Variants in GABRG3 observed in about 807,000 individuals in gnomAD.
The protein encoded by GABRG3 is gamma-aminobutyric acid receptor subunit gamma-3.
Under a neutral mutation model 48.8 loss-of-function variants are expected in GABRG3, and 25 were observed. The observed-to-expected ratio is 0.51, with a 90% CI of 0.37 to 0.72. The LOEUF (loss-of-function observed/expected upper bound fraction) is 0.72, where lower values mean the gene tolerates loss of function less well. Among genes scored for constraint, GABRG3 ranks in the 30% least tolerant of loss-of-function variants. The probability of loss-of-function intolerance (pLI) is 0.00; values close to 1 mark genes in which losing one functional copy is unlikely to be tolerated. For synonymous variants in GABRG3, 227 were observed against 217.6 expected, an observed-to-expected ratio of 1.04 and a Z score of -0.38; for missense variants, 394 against 577.9, an observed-to-expected ratio of 0.68 and a Z score of 3.26.
intron 3 of GABRG3, among the ~76,000 whole-genome samples, chr15:27,183,106 A>T (rs997589398): frequency 6.6e-6 from 1 of 152,034 alleles, no homozygotes; most frequent in African/African-American, 2.4e-5. Context: ...TATTTTACAG[A>T]TGACTTTTTT....
intron 5 of GABRG3, among the ~76,000 whole-genome samples, chr15:27,380,072 C>T (rs993913262): frequency 1.3e-5 from 2 of 151,398 alleles, no homozygotes; most frequent in Non-Finnish European, 2.9e-5. Flanking sequence ...GTTCTGTCCT[C>T]TTAACCCTTT....
chr15:27,351,193 ATGTT>A lies in GABRG3; in HGVS notation c.574+22309_574+22312del, dbSNP rs543843158. ...TGGTGTATTTGTGTGTATGTATGGTATGTTTGTGTGTATGGTGTTTGTGCGTGTA... is the reference window on the plus strand; with the variant it reads ...TGGTGTATTTGTGTGTATGTATGGTATGTGTGTATGGTGTTTGTGCGTGTA... On this transcript the variant is annotated intron_variant, in intron 5 of 9. Transcript: ENST00000615808. Among the ~76,000 whole-genome samples, 228 of 113,834 alleles carry A rather than the reference ATGTT, an allele frequency of 2.0e-3. 1 individual carries two copies. Among genetic ancestry groups the A allele is most frequent in the East Asian group, 5.5e-3 (20 of 3,606 alleles). The allele number at this position is 113,834 out of a possible 152,430, so 74.7% of individuals were successfully genotyped here.
chr15:27,388,215 AG>A (rs1361834430), intron 5 of GABRG3, among the ~76,000 whole-genome samples: 4 of 62,752 alleles, frequency 6.4e-5, no homozygotes, highest in African/African-American at 2.3e-4. Context: ...GAAGGAAAGG[AG>A]GAAGGAAGGA....
chr15:27,182,188 G>A (rs996605287), intron 3 of GABRG3, among the ~76,000 whole-genome samples: 3 of 152,170 alleles, frequency 2.0e-5, no homozygotes, highest in Admixed American at 6.5e-5. Context: ...GGAAGTCACC[G>A]TCTACAGTTT....
intron 6 of GABRG3, among the ~76,000 whole-genome samples, chr15:27,511,577 A>G (rs1157911212): frequency 2.6e-5 from 4 of 152,242 alleles, no homozygotes; most frequent in Non-Finnish European, 4.4e-5. Context: ...AGGAGGTATG[A>G]TGATGAGAAG....
chr15:27,070,535 A>G (rs941970751), intron 3 of GABRG3, among the ~76,000 whole-genome samples: 4 of 152,224 alleles, frequency 2.6e-5, no homozygotes, highest in Non-Finnish European at 5.9e-5. Flanking sequence ...TAAGAATGGA[A>G]TTATGCTTGT....
chr15:27,492,275 A>G (rs1366445979), intron 6 of GABRG3, among the ~76,000 whole-genome samples: 1 of 152,250 alleles, frequency 6.6e-6, no homozygotes, highest in Non-Finnish European at 1.5e-5. Flanking sequence ...GAGAGGGCAC[A>G]TTCCAACTGC....
chr15:27,482,015 A>G (rs1409095971), intron 6 of GABRG3, among the ~76,000 whole-genome samples: 3 of 152,150 alleles, frequency 2.0e-5, no homozygotes, highest in Admixed American at 1.3e-4. Flanking sequence ...GGTGTTCTCA[A>G]AACAAAAGGA....
At chr15:27,327,805 G>A (rs1468265111) in intron 4 of GABRG3, among the ~76,000 whole-genome samples, 1 of 152,010 alleles carries the variant, frequency 6.6e-6, no homozygotes, top group Non-Finnish European at 1.5e-5. Context: ...CGGGGCACAG[G>A]GCTCCTTCTT....
chr15:27,335,908 C>T (rs981543272), intron 5 of GABRG3, among the ~76,000 whole-genome samples: 2 of 152,122 alleles, frequency 1.3e-5, no homozygotes. Flanking sequence ...AAAAGACAGG[C>T]TGGGCGTGGT....
chr15:27,434,380 T>G (rs1888545898), intron 5 of GABRG3, among the ~76,000 whole-genome samples: 1 of 152,312 alleles, frequency 6.6e-6, no homozygotes, highest in East Asian at 1.9e-4. Flanking sequence ...AACGTTTAAC[T>G]TACACAAAGA....
intron 3 of GABRG3, among the ~76,000 whole-genome samples, chr15:27,220,501 G>A (rs1372231807): frequency 6.6e-6 from 1 of 152,134 alleles, no homozygotes; most frequent in African/African-American, 2.4e-5. Flanking sequence ...AGGCTCCTCA[G>A]GAAGAAATTT....
At chr15:27,386,322 C>T (rs1037659578) in intron 5 of GABRG3, among the ~76,000 whole-genome samples, 1 of 152,120 alleles carries the variant, frequency 6.6e-6, no homozygotes, top group Admixed American at 6.5e-5. Flanking sequence ...CATCCAGGGA[C>T]TTTTAGTTCC....
chr15:27,117,998 A>T (rs557348687), intron 3 of GABRG3, among the ~76,000 whole-genome samples: 1 of 152,336 alleles, frequency 6.6e-6, no homozygotes, highest in African/African-American at 2.4e-5. Flanking sequence ...TACTTAACCA[A>T]TGTACGGAAC....
At chr15:27,101,868 T>TAAG (rs1897365404) in intron 3 of GABRG3, among the ~76,000 whole-genome samples, 2 of 133,598 alleles carry the variant, frequency 1.5e-5, no homozygotes, top group African/African-American at 6.2e-5. Context: ...AAAAAAAAAT[T>TAAG]CTGAAAAAAA....
chr15:27,249,311 G>A (rs1322573976), intron 3 of GABRG3, among the ~76,000 whole-genome samples: 1 of 152,156 alleles, frequency 6.6e-6, no homozygotes, highest in Non-Finnish European at 1.5e-5. Context: ...CACATCCCCT[G>A]TTCCTCACAT....
chr15:27,206,314 A>G (rs1273696651), intron 3 of GABRG3, among the ~76,000 whole-genome samples: 1 of 152,126 alleles, frequency 6.6e-6, no homozygotes, highest in Non-Finnish European at 1.5e-5. Context: ...TCTTTACCCA[A>G]AAGTCATTCG....
chr15:27,306,727 A>G (rs1204861165), intron 3 of GABRG3, among the ~76,000 whole-genome samples: 12 of 128,106 alleles, frequency 9.4e-5, no homozygotes, highest in African/African-American at 3.3e-4. Context: ...AAACATGTTT[A>G]TATATAAACA....
At chr15:27,346,937 C>G (rs1387171716) in intron 5 of GABRG3, among the ~76,000 whole-genome samples, 1 of 151,968 alleles carries the variant, frequency 6.6e-6, no homozygotes, top group Non-Finnish European at 1.5e-5. Context: ...GAATGTGGCT[C>G]TAATGATTGC....
Sources: gnomAD v4.1 joint callset for allele counts (sites outside exome capture counted in the v4.1 genomes callset) on GRCh38, gnomAD v4.1.1 for gene constraint, MANE v1.5 for transcripts, NCBI Gene and HGNC (gene_info 2026-07-23, HGNC 2026-07-21) for gene names.